Variants in WDR27 observed in about 807,000 individuals in gnomAD.
The protein encoded by WDR27 is WD repeat domain 27.
WDR27 carries 100 observed loss-of-function variants against 114.4 expected under a neutral mutation model. The observed-to-expected ratio is 0.87, with a 90% CI of 0.74 to 1.03. The LOEUF (loss-of-function observed/expected upper bound fraction) is 1.03, where lower values mean the gene tolerates loss of function less well. Ranked by LOEUF, WDR27 falls within the 50% of genes least tolerant of loss-of-function variation. The pLI, the probability that WDR27 is intolerant of heterozygous loss-of-function variation, is 0.00. For missense variants in WDR27, 1,129 were observed against 1,092.9 expected (o/e 1.03, Z -0.47); for synonymous variants, 449 against 423.1 (o/e 1.06, Z -0.75).
At chr6:169,636,235 C>A in intron 19 of WDR27, 136 bp downstream of exon 19, 1 of 1,034,730 alleles carries the variant, frequency 9.7e-7, no homozygotes, top group Non-Finnish European at 1.4e-6. Flanking sequence ...ATAATTCCCT[C>A]TCATCAAGAG....
chr6:169,621,718 ATACACATT>A (rs1416104522), intron 21 of WDR27, among the ~76,000 whole-genome samples: 4 of 152,066 alleles, frequency 2.6e-5, no homozygotes, highest in Non-Finnish European at 5.9e-5. Flanking sequence ...ATTCACGCAT[ATACACATT>A]CACACATATA....
intron 9 of WDR27, 129 bp from the exon 10 acceptor site, chr6:169,660,895 G>A: frequency 1.3e-6 from 1 of 776,150 alleles, no homozygotes; most frequent in Non-Finnish European, 2.0e-6. Flanking sequence ...GGCCCCACGT[G>A]CGCCCCCTGG....
the WDR27 span, among the ~76,000 whole-genome samples, chr6:169,433,378 A>C: frequency 6.6e-6 from 1 of 152,176 alleles, no homozygotes; most frequent in African/African-American, 2.4e-5. Context: ...GCTGAGAATG[A>C]TGGTTTCCAG....
chr6:169,567,398 C>T (rs891380699), intron 25 of WDR27, among the ~76,000 whole-genome samples: 1 of 152,146 alleles, frequency 6.6e-6, no homozygotes, highest in Non-Finnish European at 1.5e-5. Flanking sequence ...ACTTTCTGGC[C>T]AGTGTGAAAT....
At chr6:169,644,910 G>A (rs1193128288) in intron 16 of WDR27, among the ~76,000 whole-genome samples, 1 of 100,582 alleles carries the variant, frequency 9.9e-6, no homozygotes, top group Non-Finnish European at 1.9e-5. Flanking sequence ...TTGGGAGGCT[G>A]AGGCAGGAGA....
chr6:169,500,045 G>A (rs1355499134), intron 25 of WDR27, among the ~76,000 whole-genome samples: 1 of 152,152 alleles, frequency 6.6e-6, no homozygotes, highest in Non-Finnish European at 1.5e-5. Context: ...TCCCACACTG[G>A]CTCCCTGCTC....
At chr6:169,495,064 GAA>G (rs1047727951) in intron 25 of WDR27, among the ~76,000 whole-genome samples, 1 of 152,078 alleles carries the variant, frequency 6.6e-6, no homozygotes, top group African/African-American at 2.4e-5. Flanking sequence ...ATAAGTTCAT[GAA>G]AACATTAGAA....
At chr6:169,540,690 A>T (rs1796732796) in intron 25 of WDR27, among the ~76,000 whole-genome samples, 1 of 152,124 alleles carries the variant, frequency 6.6e-6, no homozygotes, top group African/African-American at 2.4e-5. Flanking sequence ...TTGGCCTCCC[A>T]AAGTGCTGGT....
At chr6:169,503,952 G>T (rs540941635) in intron 25 of WDR27, among the ~76,000 whole-genome samples, 1 of 151,948 alleles carries the variant, frequency 6.6e-6, no homozygotes, top group Non-Finnish European at 1.5e-5. Flanking sequence ...CAACATTCTG[G>T]TTTAAATTAG....
In WDR27 at chr6:169,487,844, G is replaced by A. The variant is rs532551540; in HGVS notation, c.2646-30210C>T. 3.9e-5 allele frequency among the ~76,000 whole-genome samples: 6 copies of A among 152,302 alleles called. No homozygotes were observed. The South Asian group carries it at 1.2e-3, about 32-fold the overall frequency. On this transcript the variant is annotated intron_variant, in intron 25 of 25. Transcript: ENST00000448612. ...CTTCAGTCATGGTTAATAGTTTGGA[G>A]TTTTAAGGACAGTTGATGAAAAATG...
chr6:169,432,708 T>G, the WDR27 span, among the ~76,000 whole-genome samples: 1 of 152,226 alleles, frequency 6.6e-6, no homozygotes, highest in Admixed American at 6.5e-5. Flanking sequence ...GTCTCAGGTA[T>G]GCCTTTATCA....
intron 21 of WDR27, among the ~76,000 whole-genome samples, chr6:169,621,540 G>T: frequency 1.0e-5 from 1 of 95,582 alleles, no homozygotes; most frequent in East Asian, 3.7e-4. Context: ...ACACACGCAC[G>T]CATATACATA....
intron 21 of WDR27, among the ~76,000 whole-genome samples, chr6:169,620,492 G>C (rs779362895): frequency 3.3e-5 from 5 of 152,098 alleles, no homozygotes; most frequent in Non-Finnish European, 5.9e-5. Flanking sequence ...CACTGAGCTA[G>C]ACTAAATTGT....
At chr6:169,516,788 A>ACACACAC (rs1491166898) in intron 25 of WDR27, among the ~76,000 whole-genome samples, 1 of 119,264 alleles carries the variant, frequency 8.4e-6, no homozygotes, top group African/African-American at 3.1e-5. Flanking sequence ...GGCATGCTCC[A>ACACACAC]ACACACACAC....
rs777989108 is a variant in WDR27 at position 169,674,828 on chromosome 6, G to A, written c.190-2432C>T. Reference sequence around the variant, plus strand: ...ACCTGGGTGCAGGCGGGCTGAGTCCGAAAAGAGAGTTAGCAAAGGGCAATG... The same window carrying A: ...ACCTGGGTGCAGGCGGGCTGAGTCCAAAAAGAGAGTTAGCAAAGGGCAATG... On this transcript the variant is annotated intron_variant, in intron 2 of 25. Transcript: ENST00000448612. Among the ~76,000 whole-genome samples the A allele has an allele frequency of 4.6e-5, 7 of 152,152 alleles. No individual in the cohort carries two copies. The South Asian group carries it at 8.3e-4, about 18-fold the overall frequency.
At chr6:169,680,321 G>A (rs1299141171) in intron 2 of WDR27, among the ~76,000 whole-genome samples, 4 of 152,220 alleles carry the variant, frequency 2.6e-5, no homozygotes, top group African/African-American at 7.2e-5. Flanking sequence ...AGTGGCTCAC[G>A]CCTGTAATCC....
At chr6:169,700,389 G>T (rs1787583414) in intron 1 of WDR27, among the ~76,000 whole-genome samples, 1 of 152,214 alleles carries the variant, frequency 6.6e-6, no homozygotes, top group Non-Finnish European at 1.5e-5. Flanking sequence ...AGAGACTACG[G>T]TAAGTGCTGT....
chr6:169,578,987 G>A (rs7765017), intron 24 of WDR27, among the ~76,000 whole-genome samples: 7,706 of 152,116 alleles, frequency 0.051, 542 homozygotes, highest in African/African-American at 0.16. Context: ...CTAGGTACAC[G>A]GCAGCAGCCA....
intron 2 of WDR27, among the ~76,000 whole-genome samples, chr6:169,674,474 T>A (rs1779572287): frequency 6.6e-6 from 1 of 152,004 alleles, no homozygotes; most frequent in Non-Finnish European, 1.5e-5. Context: ...GCATATTAGA[T>A]GTTGCTGAGG....
Sources: gnomAD v4.1 joint callset for allele counts (sites outside exome capture counted in the v4.1 genomes callset) on GRCh38, gnomAD v4.1.1 for gene constraint, MANE v1.5 for transcripts, NCBI Gene and HGNC (gene_info 2026-07-23, HGNC 2026-07-21) for gene names.